The following NHS variants were observed in gnomAD, a reference collection of about 807,000 sequenced individuals.
NHS encodes NHS actin remodeling regulator.
A neutral mutation model predicts 72.5 loss-of-function variants in NHS; 5 were observed. That is an observed-to-expected ratio of 0.07 (90% CI 0.04 to 0.14). The LOEUF (loss-of-function observed/expected upper bound fraction) is 0.14. Ranked by LOEUF, NHS falls within the 10% of genes least tolerant of loss-of-function variation. The probability of loss-of-function intolerance (pLI) is 1.00; values close to 1 mark genes in which losing one functional copy is unlikely to be tolerated. For synonymous variants in NHS, 464 were observed against 547.7 expected (o/e 0.85, Z 2.13); for missense variants, 1,072 against 1,355.7 (o/e 0.79, Z 3.29).
intron 1 of NHS, among the ~76,000 whole-genome samples, chrX:17,663,259 G>A (rs752648658): frequency 2.7e-5 from 3 of 111,787 alleles, no homozygotes; most frequent in South Asian, 3.7e-4. Flanking sequence ...TTTACATACA[G>A]TTGAGTTATG....
intron 1 of NHS, among the ~76,000 whole-genome samples, chrX:17,435,542 C>A (rs1331175258): frequency 8.9e-6 from 1 of 112,189 alleles, no homozygotes; most frequent in Non-Finnish European, 1.9e-5. Context: ...TTATCTCCTC[C>A]CCTGCCCTTG....
At chrX:17,401,023 G>A (rs1435901164) in intron 1 of NHS, among the ~76,000 whole-genome samples, 2 of 112,091 alleles carry the variant, frequency 1.8e-5, no homozygotes, top group East Asian at 5.6e-4. Flanking sequence ...ACAGTGTGGA[G>A]CTGGTGTAAG....
At chrX:17,718,461 AAG>A (rs2066378927) in intron 3 of NHS, among the ~76,000 whole-genome samples, 1 of 97,213 alleles carries the variant, frequency 1.0e-5, no homozygotes, top group Admixed American at 1.1e-4. Context: ...GAAGAAAGGA[AAG>A]AAGGAGAGAA....
chrX:17,393,782 T>G (rs944903591), intron 1 of NHS, among the ~76,000 whole-genome samples: 2 of 111,628 alleles, frequency 1.8e-5, no homozygotes, highest in Non-Finnish European at 3.8e-5. Flanking sequence ...GGCCCTCCTA[T>G]CCATAGCTGA....
intron 1 of NHS, among the ~76,000 whole-genome samples, chrX:17,591,818 A>G (rs978399714): frequency 1.8e-5 from 2 of 111,972 alleles, no homozygotes; most frequent in Non-Finnish European, 3.8e-5. Flanking sequence ...CTGAACCGGG[A>G]ATGGAATATA....
intron 1 of NHS, among the ~76,000 whole-genome samples, chrX:17,612,478 C>T (rs1332640844): frequency 2.7e-5 from 3 of 110,839 alleles, no homozygotes; most frequent in African/African-American, 9.9e-5. Context: ...TCCCAGCCTT[C>T]CTTGTTCCTT....
intron 1 of NHS, among the ~76,000 whole-genome samples, chrX:17,637,796 GT>G (rs1434894057): frequency 8.9e-6 from 1 of 111,888 alleles, no homozygotes; most frequent in Non-Finnish European, 1.9e-5. Flanking sequence ...TGGAACCATT[GT>G]TTCTCATGAC....
chrX:17,698,351 G>A (rs1177759334), intron 3 of NHS, among the ~76,000 whole-genome samples: 1 of 112,144 alleles, frequency 8.9e-6, no homozygotes, highest in East Asian at 2.8e-4. Flanking sequence ...AAACCTAGAT[G>A]AAATGGATAA....
intron 1 of NHS, among the ~76,000 whole-genome samples, chrX:17,569,344 T>G (rs1385834021): frequency 1.0e-5 from 1 of 99,310 alleles, no homozygotes; most frequent in African/African-American, 5.3e-5. Context: ...CCTGACTTTT[T>G]AATGATCGCC....
chrX:17,558,641 G>A (rs1056565881), intron 1 of NHS, among the ~76,000 whole-genome samples: 1 of 112,112 alleles, frequency 8.9e-6, no homozygotes, highest in Non-Finnish European at 1.9e-5. Context: ...GAGAGGAATG[G>A]TACCTATCTC....
intron 3 of NHS, among the ~76,000 whole-genome samples, chrX:17,708,792 AG>A (rs1288032437): frequency 9.0e-6 from 1 of 111,340 alleles, no homozygotes; most frequent in Non-Finnish European, 1.9e-5. Context: ...TTGGCTGGTA[AG>A]AAAAGGGGTG....
chrX:17,403,025 C>T (rs150881413), intron 1 of NHS, among the ~76,000 whole-genome samples: 1 of 111,985 alleles, frequency 8.9e-6, no homozygotes, highest in Non-Finnish European at 1.9e-5. Flanking sequence ...AGGTGACCAT[C>T]CTCAATGGCT....
intron 1 of NHS, among the ~76,000 whole-genome samples, chrX:17,566,269 C>T (rs1467651527): frequency 9.0e-6 from 1 of 111,439 alleles, no homozygotes; most frequent in Non-Finnish European, 1.9e-5. Context: ...GGGCATGAGC[C>T]ACCGTATACT....
intron 1 of NHS, among the ~76,000 whole-genome samples, chrX:17,414,675 G>C (rs2146861242): frequency 8.9e-6 from 1 of 111,899 alleles, no homozygotes; most frequent in African/African-American, 3.2e-5. Context: ...CTGGGACCTG[G>C]AAGGTGAGCC....
chrX:17,538,428 C>T (rs761063020), intron 1 of NHS, among the ~76,000 whole-genome samples: 4 of 111,581 alleles, frequency 3.6e-5, no homozygotes, highest in Non-Finnish European at 7.5e-5. Context: ...AGAGTAGGCT[C>T]CCAGCGTGGG....
chrX:17,539,522 C>G (rs755401592), intron 1 of NHS, among the ~76,000 whole-genome samples: 1 of 110,059 alleles, frequency 9.1e-6, no homozygotes, highest in East Asian at 2.9e-4. Flanking sequence ...ACAAAATTAT[C>G]GAATGAATGA....
intron 1 of NHS, among the ~76,000 whole-genome samples, chrX:17,434,821 C>T (rs1449095133): frequency 8.9e-6 from 1 of 111,870 alleles, no homozygotes; most frequent in African/African-American, 3.3e-5. Context: ...AAGCAATACC[C>T]AGAAGCAGCT....
chrX:17,375,253 C>A lies in NHS; in HGVS notation c.-505C>A, dbSNP rs904267822. On this transcript the variant is annotated 5_prime_UTR_variant, in exon 1 of 9. Transcript: ENST00000676302. ...CCCAGCCAGGGAGAGAGATCCCGGG[C>A]GCAATCGCTCCCCGGAGCGGCCGAG... Among the ~76,000 whole-genome samples, 1 of 112,272 alleles carries A rather than the reference C, an allele frequency of 8.9e-6. No homozygotes were observed. Among genetic ancestry groups the A allele is most frequent in the Admixed American group, 9.3e-5 (1 of 10,796 alleles).
intron 1 of NHS, among the ~76,000 whole-genome samples, chrX:17,483,396 T>C (rs1311261689): frequency 8.9e-6 from 1 of 112,338 alleles, no homozygotes; most frequent in Non-Finnish European, 1.9e-5. Flanking sequence ...TAATGTGATA[T>C]GAAAATATCT....
Sources: allele counts gnomAD v4.1 joint callset (sites outside exome capture counted in the v4.1 genomes callset), GRCh38; gene constraint gnomAD v4.1.1; transcripts MANE v1.5; gene names NCBI Gene and HGNC (gene_info 2026-07-23, HGNC 2026-07-21).